The following LRRC1 variants were observed in gnomAD, a reference collection of about 807,000 sequenced individuals.
LRRC1 encodes leucine-rich repeat-containing protein 1.
Under a neutral mutation model 69.9 loss-of-function variants are expected in LRRC1, and 28 were observed. The observed-to-expected ratio is 0.40, with a 90% CI of 0.30 to 0.55. The LOEUF (loss-of-function observed/expected upper bound fraction) is 0.55, where lower values mean the gene tolerates loss of function less well. Among genes scored for constraint, LRRC1 ranks in the 20% least tolerant of loss-of-function variants. LRRC1 has a pLI of 0.47. For synonymous variants in LRRC1, 236 were observed against 240.2 expected (o/e 0.98, Z 0.16); for missense variants, 498 against 609.0 (o/e 0.82, Z 1.92).
At chr6:53,811,928 A>T (rs1438211560) in intron 1 of LRRC1, among the ~76,000 whole-genome samples, 1 of 152,220 alleles carries the variant, frequency 6.6e-6, no homozygotes, top group Admixed American at 6.5e-5. Flanking sequence ...GGCACTGGGG[A>T]TGCAAAAGTG....
At chr6:53,905,864 G>A (rs1160082051) in intron 10 of LRRC1, among the ~76,000 whole-genome samples, 1 of 152,142 alleles carries the variant, frequency 6.6e-6, no homozygotes, top group Non-Finnish European at 1.5e-5. Flanking sequence ...TAAGACTTCA[G>A]TCTGTTTCTC....
intron 3 of LRRC1, among the ~76,000 whole-genome samples, chr6:53,879,781 G>C (rs966276731): frequency 6.6e-6 from 1 of 151,570 alleles, no homozygotes; most frequent in African/African-American, 2.4e-5. Context: ...GTATGACACA[G>C]TCTGTTGCCG....
intron 4 of LRRC1, among the ~76,000 whole-genome samples, chr6:53,888,284 A>G (rs1262032055): frequency 6.6e-6 from 1 of 152,226 alleles, no homozygotes. Context: ...ATTCAGGAAG[A>G]TGGCAGGATA....
intron 1 of LRRC1, among the ~76,000 whole-genome samples, chr6:53,815,829 G>A (rs554419187): frequency 5.1e-4 from 78 of 152,258 alleles, no homozygotes; most frequent in Non-Finnish European, 9.7e-4. Flanking sequence ...TAGGCAGGCC[G>A]GTTTTTAAAA....
At chr6:53,880,477 C>G (rs1280071959) in intron 3 of LRRC1, among the ~76,000 whole-genome samples, 1 of 152,134 alleles carries the variant, frequency 6.6e-6, no homozygotes, top group Non-Finnish European at 1.5e-5. Context: ...TTTGATATGT[C>G]TCTCCATCTT....
chr6:53,922,739 C>A lies in LRRC1; in HGVS notation c.1521C>A (p.Asp507Glu). ...ACATGAATGCTGCTAAAGGACTGGACTCAAACAAAAACGAGGTCAATCATG... is the reference window on the plus strand; with the variant it reads ...ACATGAATGCTGCTAAAGGACTGGAATCAAACAAAAACGAGGTCAATCATG... ...RNDMNAAKGL[D>E]SNKNEVNHAI... Residue 507 changes from aspartate to glutamate, a missense_variant, in exon 14 of 14, where the codon GAC becomes GAA. This residue lies in a region of LRRC1 where 162 missense variants were observed against 162.9 expected (regional missense o/e 0.99). Coordinates refer to ENST00000370888, the MANE Select transcript of LRRC1 (RefSeq NM_018214.5). 1 of 1,614,070 alleles carries A rather than the reference C, an allele frequency of 6.2e-7. No individual in the cohort carries two copies. Among genetic ancestry groups the A allele is most frequent in the Non-Finnish European group, 8.5e-7 (1 of 1,179,952 alleles).
intron 1 of LRRC1, among the ~76,000 whole-genome samples, chr6:53,834,152 T>C (rs1765541937): frequency 6.6e-6 from 1 of 152,240 alleles, no homozygotes; most frequent in Non-Finnish European, 1.5e-5. Context: ...TCTTCTGCTT[T>C]CCCTGTTTCT....
chr6:53,865,191 GA>G (rs1457148290), intron 2 of LRRC1, among the ~76,000 whole-genome samples: 6 of 152,094 alleles, frequency 3.9e-5, no homozygotes, highest in African/African-American at 1.5e-4. Flanking sequence ...TGTATGGGAA[GA>G]AGATCAAGTT....
At chr6:53,882,424 T>C (rs1767323382) in intron 3 of LRRC1, among the ~76,000 whole-genome samples, 1 of 152,240 alleles carries the variant, frequency 6.6e-6, no homozygotes, top group Non-Finnish European at 1.5e-5. Flanking sequence ...TATTATAAAC[T>C]ACAGGAAGAA....
chr6:53,822,319 G>A (rs12214863), intron 1 of LRRC1, among the ~76,000 whole-genome samples: 21,328 of 152,134 alleles, frequency 0.14, 1,604 homozygotes, highest in Non-Finnish European at 0.17. Flanking sequence ...TAAAATAAAG[G>A]TCCATATGAA....
chr6:53,904,623 C>A, intron 10 of LRRC1, 161 bp downstream of exon 10: 1 of 445,566 alleles, frequency 2.2e-6, no homozygotes, highest in South Asian at 4.1e-5. Flanking sequence ...GGAATTATGT[C>A]AAAGAATGAT....
intron 11 of LRRC1, 36 bp from the exon 12 acceptor site, chr6:53,919,462 T>C (rs1290649728): frequency 7.0e-7 from 1 of 1,436,124 alleles, no homozygotes; most frequent in South Asian, 1.5e-5. Flanking sequence ...TTTGAGGTTG[T>C]GATGTCTCTT....
At chr6:53,865,222 CATT>C (rs968870265) in intron 2 of LRRC1, among the ~76,000 whole-genome samples, 4 of 152,104 alleles carry the variant, frequency 2.6e-5, no homozygotes, top group African/African-American at 9.7e-5. Context: ...CTTGCTTTTG[CATT>C]ATCCATAGCA....
At position 53,865,131 on chromosome 6, in the gene LRRC1, A is replaced by C. The variant is rs1196717758; in HGVS notation, c.278-13862A>C. Among the ~76,000 whole-genome samples the C allele has an allele frequency of 2.0e-5, 3 of 152,130 alleles. No individual in the cohort carries two copies. In the East Asian group the frequency reaches 5.8e-4, roughly 29 times the overall value. On this transcript the variant is annotated intron_variant, in intron 2 of 13. Coordinates refer to ENST00000370888, the MANE Select transcript of LRRC1 (RefSeq NM_018214.5). The stretch of plus-strand genomic sequence containing the variant: ...TTGAGAATTCAGTGTGCTAACAAGA[A>C]TATTAATCTGCTGTAATAATTCCTC...
intron 1 of LRRC1, among the ~76,000 whole-genome samples, chr6:53,818,953 C>T (rs1473814788): frequency 6.6e-6 from 1 of 152,146 alleles, no homozygotes; most frequent in Admixed American, 6.6e-5. Context: ...TTCAAGTTGT[C>T]AGGGAGGCAC....
chr6:53,818,251 G>A (rs893932689), intron 1 of LRRC1, among the ~76,000 whole-genome samples: 3 of 152,022 alleles, frequency 2.0e-5, no homozygotes, highest in African/African-American at 7.2e-5. Flanking sequence ...CGGCTTTTTT[G>A]GAAGTCATTC....
chr6:53,810,008 G>A (rs1429906222), intron 1 of LRRC1, among the ~76,000 whole-genome samples: 1 of 152,240 alleles, frequency 6.6e-6, no homozygotes, highest in Non-Finnish European at 1.5e-5. Flanking sequence ...GACAGTGACA[G>A]TGTCTGGCTT....
rs111987805 is a variant in LRRC1 at position 53,871,395 on chromosome 6, G to A, written c.278-7598G>A. Among the ~76,000 whole-genome samples the A allele has an allele frequency of 8.6e-3, 1,306 of 152,180 alleles. 15 individuals carry two copies. Among genetic ancestry groups the A allele is most frequent in the African/African-American group, 0.029 (1,197 of 41,520 alleles). ...CATTTCCCTTGTGATTGGTAATGCT[G>A]GGCATTTTTTTCGTGTACTTGTTAG... On this transcript the variant is annotated intron_variant, in intron 2 of 13. Transcript: ENST00000370888.
intron 2 of LRRC1, among the ~76,000 whole-genome samples, chr6:53,851,694 A>G (rs1030551478): frequency 1.3e-5 from 2 of 152,066 alleles, no homozygotes; most frequent in African/African-American, 2.4e-5. Context: ...CCTAGTAAAC[A>G]TAGATACCAC....
Sources: gnomAD v4.1 joint callset for allele counts (sites outside exome capture counted in the v4.1 genomes callset) on GRCh38, gnomAD v4.1.1 for gene constraint, gnomAD v4.1.1 regional missense constraint, MANE v1.5 for transcripts, NCBI Gene and HGNC (gene_info 2026-07-23, HGNC 2026-07-21) for gene names.